The following IFT74 variants were observed in gnomAD, a reference collection of about 807,000 sequenced individuals.
IFT74 encodes the protein intraflagellar transport protein 74 homolog.
Under a neutral mutation model 96.7 loss-of-function variants are expected in IFT74, and 92 were observed. The ratio of observed to expected loss-of-function variants is 0.95; its 90% CI spans 0.80 to 1.13. IFT74 has a LOEUF of 1.13. IFT74 is among the 50% of genes most tolerant of loss of function. IFT74 has a pLI of 0.00. For synonymous variants in IFT74, 223 were observed against 213.2 expected (o/e 1.05, Z -0.40); for missense variants, 811 against 698.2 (o/e 1.16, Z -1.82).
At chr9:27,003,638 T>A (rs1828622091) in intron 8 of IFT74, among the ~76,000 whole-genome samples, 1 of 152,220 alleles carries the variant, frequency 6.6e-6, no homozygotes, top group Non-Finnish European at 1.5e-5. Flanking sequence ...TCTGTTCTAG[T>A]CAACTTCCTC....
chr9:27,044,040 T>C (rs1185636437), intron 13 of IFT74, among the ~76,000 whole-genome samples: 1 of 152,234 alleles, frequency 6.6e-6, no homozygotes, highest in African/African-American at 2.4e-5. Context: ...ACATGGATCT[T>C]ATAAGGTGCT....
At chr9:27,050,307 C>T (rs778828892) in intron 16 of IFT74, among the ~76,000 whole-genome samples, 26 of 152,208 alleles carry the variant, frequency 1.7e-4, no homozygotes, top group Non-Finnish European at 2.5e-4. Flanking sequence ...CATCTGCCCA[C>T]CTCGGCCTCC....
At chr9:26,947,326 G>C (rs537136403) in intron 1 of IFT74, 2 of 441,176 alleles carry the variant, frequency 4.5e-6, no homozygotes, top group African/African-American at 2.1e-5. Flanking sequence ...CCGATGCGGA[G>C]CTGAGCTGGC....
intron 11 of IFT74, among the ~76,000 whole-genome samples, chr9:27,017,818 G>A (rs1455527402): frequency 6.6e-6 from 1 of 152,096 alleles, no homozygotes; most frequent in African/African-American, 2.4e-5. Context: ...CCCCAGGGGT[G>A]GATTTAGTTT....
At chr9:26,980,919 G>A (rs1050618353) in intron 4 of IFT74, among the ~76,000 whole-genome samples, 3 of 152,158 alleles carry the variant, frequency 2.0e-5, no homozygotes, top group Admixed American at 2.0e-4. Flanking sequence ...ACCTGAGATT[G>A]GGTAACTTAT....
chr9:26,987,674 C>T (rs953294727), intron 6 of IFT74, among the ~76,000 whole-genome samples: 2 of 152,178 alleles, frequency 1.3e-5, no homozygotes, highest in African/African-American at 4.8e-5. Context: ...CTTCTGTTCA[C>T]ATTCTGGCTC....
chr9:26,985,023 C>T (rs562767714), intron 6 of IFT74, among the ~76,000 whole-genome samples: 7 of 152,068 alleles, frequency 4.6e-5, no homozygotes, highest in South Asian at 2.1e-4. Flanking sequence ...CATTGGAGCA[C>T]GGTTTACAGT....
intron 13 of IFT74, among the ~76,000 whole-genome samples, chr9:27,038,993 G>A (rs1030661342): frequency 1.3e-5 from 2 of 152,186 alleles, no homozygotes; most frequent in African/African-American, 4.8e-5. Flanking sequence ...AACGCTTGAA[G>A]ATTCTTCCAG....
rs748786686 is a variant in IFT74 at position 27,008,970 on chromosome 9, T to C, written c.588-50T>C. On this transcript the variant is annotated intron_variant, in intron 8 of 19. Coordinates refer to ENST00000380062, the MANE Select transcript of IFT74 (RefSeq NM_025103.4). ...CCATGACTTGTATAAAATAATTGGA[T>C]ATTTTTTCCTCAATATAGTATCAGG... 4.2e-6 allele frequency: 6 copies of C among 1,421,918 alleles called. No homozygotes were observed. The Admixed American group carries it at 1.0e-4, about 24-fold the overall frequency. 88.1% of individuals were successfully genotyped at this position (1,421,918 alleles called of 1,614,324 possible).
At chr9:27,052,780 T>G (rs935467968) in intron 16 of IFT74, among the ~76,000 whole-genome samples, 24 of 152,180 alleles carry the variant, frequency 1.6e-4, no homozygotes, top group Non-Finnish European at 2.1e-4. Context: ...AGAAATTTTT[T>G]TGTATCTTCA....
chr9:26,988,494 G>A (rs1430676602), intron 6 of IFT74, among the ~76,000 whole-genome samples, 175 bp from the exon 7 acceptor site: 1 of 152,116 alleles, frequency 6.6e-6, no homozygotes, highest in African/African-American at 2.4e-5. Flanking sequence ...CATAATATAT[G>A]CTTACTTAGG....
At chr9:27,010,489 T>TG (rs1488658352) in intron 9 of IFT74, among the ~76,000 whole-genome samples, 1 of 148,302 alleles carries the variant, frequency 6.7e-6, no homozygotes. Flanking sequence ...TTTTTTGTTT[T>TG]TTTTTTTTTG....
At chr9:26,990,413 T>C (rs1827813283) in intron 8 of IFT74, among the ~76,000 whole-genome samples, 1 of 152,238 alleles carries the variant, frequency 6.6e-6, no homozygotes, top group Middle Eastern at 3.2e-3. Context: ...ACATAGCTTA[T>C]ATAAATAGGA....
intron 18 of IFT74, among the ~76,000 whole-genome samples, chr9:27,057,628 T>C (rs901535254): frequency 6.6e-6 from 1 of 151,946 alleles, no homozygotes; most frequent in Non-Finnish European, 1.5e-5. Context: ...GAGGCTGAGG[T>C]GGGCGGATCA....
intron 15 of IFT74, among the ~76,000 whole-genome samples, chr9:27,047,619 C>T (rs1819749923): frequency 6.6e-6 from 1 of 152,124 alleles, no homozygotes; most frequent in African/African-American, 2.4e-5. Context: ...GTAAATGAAG[C>T]ACTAATTCAG....
intron 12 of IFT74, among the ~76,000 whole-genome samples, chr9:27,021,728 T>C (rs902588358): frequency 6.6e-6 from 1 of 152,192 alleles, no homozygotes; most frequent in Non-Finnish European, 1.5e-5. Context: ...ATTCTAGATA[T>C]TAGCCCTTTG....
intron 2 of IFT74, among the ~76,000 whole-genome samples, chr9:26,970,369 A>G (rs1429248104): frequency 6.6e-6 from 1 of 152,104 alleles, no homozygotes; most frequent in South Asian, 2.1e-4. Context: ...ATACATACAC[A>G]GTTTGTATGA....
At chr9:26,950,733 G>A (rs1238452433) in intron 1 of IFT74, among the ~76,000 whole-genome samples, 1 of 152,150 alleles carries the variant, frequency 6.6e-6, no homozygotes, top group African/African-American at 2.4e-5. Flanking sequence ...ATGAATCACT[G>A]TCTGCTCAAC....
chr9:27,058,902 C>A (rs528252923), intron 18 of IFT74, among the ~76,000 whole-genome samples: 1 of 152,198 alleles, frequency 6.6e-6, no homozygotes, highest in South Asian at 2.1e-4. Context: ...ATAATTGACA[C>A]AATTTTCTTA....
Sources: gnomAD v4.1 joint callset for allele counts (sites outside exome capture counted in the v4.1 genomes callset) on GRCh38, gnomAD v4.1.1 for gene constraint, MANE v1.5 for transcripts, NCBI Gene and HGNC (gene_info 2026-07-23, HGNC 2026-07-21) for gene names.